TSGA13: variants seen among roughly 807,000 people sequenced by gnomAD.
TSGA13 encodes the protein testis-specific gene 13 protein.
TSGA13 carries 37 observed loss-of-function variants against 35.1 expected under a neutral mutation model. The observed-to-expected ratio is 1.05, with a 90% CI of 0.81 to 1.39. The LOEUF is 1.39. Among genes scored for constraint, TSGA13 ranks in the 40% most tolerant of loss-of-function variants. The pLI is 0.00. For missense variants in TSGA13, 338 were observed against 328.5 expected (o/e 1.03, Z -0.22); for synonymous variants, 124 against 121.2 (o/e 1.02, Z -0.15).
chr7:130,669,041 A>G lies in TSGA13; in HGVS notation c.801T>C (p.Ile267=), dbSNP rs782602075. The G allele has an allele frequency of 3.7e-6, 6 of 1,613,976 alleles. No individual in the cohort carries two copies. In the East Asian group the frequency reaches 6.7e-5, roughly 18 times the overall value. Residue 267 remains isoleucine (I), a synonymous_variant, in exon 8 of 8, where the codon ATT becomes ATC. Coordinates refer to ENST00000356588, the MANE Select transcript of TSGA13 (RefSeq NM_052933.4). ...AFRNGRAPQW[I]IKKATVIG is the part of the protein sequence containing the mutation. ...ACCCGATGACCGTGGCCTTTTTGAT[A>G]ATCCACTGCGGGGCCCTCCCGTTGC...
rs2116285145 is a variant in TSGA13 at position 130,668,775 on chromosome 7, G to C, written c.*239C>G. The C allele has an allele frequency of 2.2e-6, 3 of 1,375,918 alleles. No homozygotes were observed. In the South Asian group the frequency reaches 4.3e-5, roughly 20 times the overall value. 85.2% of individuals were successfully genotyped at this position (1,375,918 alleles called of 1,614,324 possible). A position where few individuals can be genotyped will look rare whatever the true frequency, so the allele number is the denominator to read the frequency against. Reference sequence around the variant, plus strand: ...CCGGCCCCGCGCTCTCACGCCGGTTGGGCCGCCGCGCCTTCACTCGGGGCC... The same window carrying C: ...CCGGCCCCGCGCTCTCACGCCGGTTCGGCCGCCGCGCCTTCACTCGGGGCC... On this transcript the variant is annotated 3_prime_UTR_variant, in exon 8 of 8. Coordinates refer to ENST00000356588, the MANE Select transcript of TSGA13 (RefSeq NM_052933.4).
At position 130,679,215 on chromosome 7, in the gene TSGA13, G is replaced by T; in HGVS notation, c.327C>A (p.Thr109=). ...TTGATGCACTCTCCTTGTCTTGCTG[G>T]GTGATTGAGCAGGGAGGTGGGTTGT... The part of the protein sequence containing the change: ...MTNNPPPCSI[T]QQDKESASKY... Residue 109 remains threonine (T), a synonymous_variant, in exon 5 of 8, where the codon ACC becomes ACA. Transcript: ENST00000356588. 3.1e-6 allele frequency: 5 copies of T among 1,614,092 alleles called. No individual in the cohort carries two copies. The highest frequency in any genetic ancestry group is 3.4e-6 in the Non-Finnish European group (4 of 1,179,994).
At chr7:130,675,267 C>T (rs1457518494) in intron 5 of TSGA13, among the ~76,000 whole-genome samples, 1 of 149,614 alleles carries the variant, frequency 6.7e-6, no homozygotes, top group East Asian at 2.0e-4. Flanking sequence ...TTTTTTCTAC[C>T]TATAGCTTCT....
At chr7:130,682,597 A>G (rs963600753) in intron 3 of TSGA13, among the ~76,000 whole-genome samples, 9 of 152,166 alleles carry the variant, frequency 5.9e-5, no homozygotes, top group African/African-American at 2.2e-4. Flanking sequence ...GCAGTATGGT[A>G]AGGTGGGTGC....
intron 5 of TSGA13, among the ~76,000 whole-genome samples, chr7:130,673,859 G>A (rs1382516234): frequency 2.6e-5 from 4 of 152,160 alleles, no homozygotes; most frequent in Non-Finnish European, 5.9e-5. Flanking sequence ...ACTTTGGGAG[G>A]CCAAAGCGAT....
At chr7:130,685,961 T>C (rs1554465687) in intron 1 of TSGA13, among the ~76,000 whole-genome samples, 1 of 152,170 alleles carries the variant, frequency 6.6e-6, no homozygotes, top group African/African-American at 2.4e-5. Flanking sequence ...GTGTATGAAG[T>C]AGTCTAATTG....
At position 130,679,383 on chromosome 7, in the gene TSGA13, G is replaced by T; in HGVS notation, c.175-16C>A. 6.3e-7 allele frequency: 1 copy of T among 1,589,192 alleles called. No individual in the cohort carries two copies. The highest frequency in any genetic ancestry group is 8.6e-7 in the Non-Finnish European group (1 of 1,166,888). On this transcript the variant is annotated splice_polypyrimidine_tract_variant and intron_variant, in intron 4 of 7. Coordinates refer to ENST00000356588, the MANE Select transcript of TSGA13 (RefSeq NM_052933.4). ...AGTACTGGGCCTGAACAGACAGAAA[G>T]GTTTCCAGAGAGAAAAAGAGATTAG... is the stretch of plus-strand genomic sequence containing the variant.
chr7:130,675,576 G>C (rs1193615740), intron 5 of TSGA13, among the ~76,000 whole-genome samples: 1 of 152,142 alleles, frequency 6.6e-6, no homozygotes, highest in African/African-American at 2.4e-5. Flanking sequence ...GTAGAGACAG[G>C]GTTTCACCAC....
At chr7:130,683,324 C>T (rs1176707372) in intron 3 of TSGA13, among the ~76,000 whole-genome samples, 2 of 152,168 alleles carry the variant, frequency 1.3e-5, no homozygotes, top group Admixed American at 6.5e-5. Flanking sequence ...GTAAAGTCTG[C>T]GTAAGTTAGG....
At chr7:130,681,930 T>C (rs1162222458) in intron 3 of TSGA13, among the ~76,000 whole-genome samples, 1 of 152,058 alleles carries the variant, frequency 6.6e-6, no homozygotes, top group Non-Finnish European at 1.5e-5. Flanking sequence ...CATTTCTTTT[T>C]TCTTTTCTTT....
In TSGA13 at chr7:130,668,723, C is replaced by G; in HGVS notation, c.*291G>C. ...CCGCAACCGTCCCAGGCGCCGCAGC[C>G]GGCGAGCGGAAGAGGCTGCAGGAAG... On this transcript the variant is annotated 3_prime_UTR_variant, in exon 8 of 8. Coordinates refer to ENST00000356588, the MANE Select transcript of TSGA13 (RefSeq NM_052933.4). The G allele has an allele frequency of 6.7e-7, 1 of 1,501,622 alleles. No homozygotes were observed. The highest frequency in any genetic ancestry group is 8.9e-7 in the Non-Finnish European group (1 of 1,123,764). 93.0% of individuals were successfully genotyped at this position (1,501,622 alleles called of 1,614,324 possible).
At chr7:130,685,451 T>C in intron 1 of TSGA13, 91 bp from the exon 2 acceptor site, 1 of 1,220,446 alleles carries the variant, frequency 8.2e-7, no homozygotes, top group Non-Finnish European at 1.0e-6. Flanking sequence ...GAAGTTAAAT[T>C]TATTTCACAA....
At position 130,677,047 on chromosome 7, in the gene TSGA13, C is replaced by A. The variant is rs551967065; in HGVS notation, c.387+2108G>T. Among the ~76,000 whole-genome samples, 115 of 152,138 alleles carry A rather than the reference C, an allele frequency of 7.6e-4. 1 individual carries two copies. The highest frequency in any genetic ancestry group is 2.7e-3 in the African/African-American group (114 of 41,518). On this transcript the variant is annotated intron_variant, in intron 5 of 7. Transcript: ENST00000356588. ...AGCTGGGAGTACAGGCGCCCGCTACCACGCCCGGCTAATTTTTTGTATTTT... is the reference window on the plus strand; with the variant it reads ...AGCTGGGAGTACAGGCGCCCGCTACAACGCCCGGCTAATTTTTTGTATTTT...
At position 130,672,787 on chromosome 7, in the gene TSGA13, G is replaced by T. The variant is rs1796310018; in HGVS notation, c.477C>A (p.Ile159=). 2 of 1,614,210 alleles carry T rather than the reference G, an allele frequency of 1.2e-6. No individual in the cohort carries two copies. Among genetic ancestry groups the T allele is most frequent in the South Asian group, 2.2e-5 (2 of 91,082 alleles). Residue 159 remains isoleucine (I), a synonymous_variant, in exon 6 of 8, where the codon ATC becomes ATA. Coordinates refer to ENST00000356588, the MANE Select transcript of TSGA13 (RefSeq NM_052933.4). ...GATCATCCGACAGTATCAAAGGGAA[G>T]ATTGGTTTCAGCTTAGATCTTAACT... ...KKKLRSKLKP[I]FPLILSDDPT...
intron 1 of TSGA13, among the ~76,000 whole-genome samples, 165 bp downstream of exon 1, chr7:130,686,097 A>C (rs1287058627): frequency 6.6e-6 from 1 of 152,216 alleles, no homozygotes; most frequent in Non-Finnish European, 1.5e-5. Context: ...AATTCCTATG[A>C]AGCCCACAGG....
Position 130,672,714 on chromosome 7 carries a change from A to G in TSGA13, c.530+20T>C, listed in dbSNP as rs1483299290. 1.2e-6 allele frequency: 2 copies of G among 1,609,228 alleles called. No homozygotes were observed. Among genetic ancestry groups the G allele is most frequent in the South Asian group, 1.1e-5 (1 of 90,184 alleles). On this transcript the variant is annotated intron_variant, in intron 6 of 7. Transcript: ENST00000356588. ...AAAAGATAGGAAAGAAAGCAAGTAC[A>G]AGAAGAAGCAAGATTTCACCTAAAC... is the stretch of plus-strand genomic sequence containing the variant.
At chr7:130,679,030 C>T in intron 5 of TSGA13, 125 bp downstream of exon 5, 1 of 825,682 alleles carries the variant, frequency 1.2e-6, no homozygotes, top group Non-Finnish European at 1.9e-6. Context: ...CTATCTCAAA[C>T]AAACAAACAA....
In TSGA13 at chr7:130,669,143, C is replaced by G. The variant is rs782320703; in HGVS notation, c.699G>C (p.Val233=). Residue 233 remains valine, a synonymous_variant, in exon 8 of 8, where the codon GTG becomes GTC. Transcript: ENST00000356588. ...KSASERPISK[V]IREPLTLASL... The stretch of plus-strand genomic sequence containing the variant: ...ATGCGAGTGTCAGTGGTTCCCGAAT[C>G]ACTTTGGAAATTGGCCTTTCACTCG... 6.2e-7 allele frequency: 1 copy of G among 1,614,190 alleles called. No individual in the cohort carries two copies. The highest frequency in any genetic ancestry group is 8.5e-7 in the Non-Finnish European group (1 of 1,180,030).
At chr7:130,674,145 T>C (rs1554463777) in intron 5 of TSGA13, among the ~76,000 whole-genome samples, 2 of 150,332 alleles carry the variant, frequency 1.3e-5, no homozygotes, top group African/African-American at 4.9e-5. Flanking sequence ...AGCCTTCTTC[T>C]TTTCTTCTTT....
Sources: allele counts gnomAD v4.1 joint callset (sites outside exome capture counted in the v4.1 genomes callset), GRCh38; gene constraint gnomAD v4.1.1; transcripts MANE v1.5; gene names NCBI Gene and HGNC (gene_info 2026-07-23, HGNC 2026-07-21).